IGF2BP2: variants seen among roughly 807,000 people sequenced by gnomAD.
IGF2BP2 encodes the protein insulin-like growth factor 2 mRNA-binding protein 2.
In IGF2BP2, 17 loss-of-function variants were observed where a neutral mutation model predicts 75.8. The observed-to-expected ratio is 0.22, with a 90% CI of 0.15 to 0.34. The LOEUF (loss-of-function observed/expected upper bound fraction) is 0.34. Ranked by LOEUF, IGF2BP2 falls within the 10% of genes least tolerant of loss-of-function variation. The pLI is 1.00. For synonymous variants in IGF2BP2, 288 were observed against 295.6 expected (o/e 0.97, Z 0.26); for missense variants, 516 against 772.4 (o/e 0.67, Z 3.93).
Position 185,677,044 on chromosome 3 carries a change from G to GATGTATATTTATATATAT in IGF2BP2, c.813-1132_813-1131insATATATATAAATATACAT, listed in dbSNP as rs1553855666. On this transcript the variant is annotated intron_variant, in intron 7 of 15. Transcript: ENST00000382199. ...GGAGAGAGATATATATATATATGGAGATATATATATATATATATATATATA... is the reference window on the plus strand; with the variant it reads ...GGAGAGAGATATATATATATATGGAGATGTATATTTATATATATATATATATATATATATATATATATA... Among the ~76,000 whole-genome samples, 4 of 23,860 alleles carry GATGTATATTTATATATAT rather than the reference G, an allele frequency of 1.7e-4. 1 individual carries two copies. Among genetic ancestry groups the GATGTATATTTATATATAT allele is most frequent in the Non-Finnish European group, 6.5e-5 (1 of 15,348 alleles). 15.7% of individuals were successfully genotyped at this position (23,860 alleles called of 152,430 possible).
rs768897785 is a variant in IGF2BP2, at chr3:185,657,291, T to G, written c.1381A>C (p.Ile461Leu). 3.7e-6 allele frequency: 6 copies of G among 1,610,430 alleles called. No individual in the cohort carries two copies. Among genetic ancestry groups the G allele is most frequent in the Non-Finnish European group, 5.1e-6 (6 of 1,177,194 alleles). ...KQLARFAGAS[I>L]KIAPAEGPDV... ...GCCGTCAGGAGCAGCCTCACCTTGA[T>G]AGAGGCTCCGGCGAATCTCGCCAGC... The change falls in exon 12 of 16, where the codon ATC becomes CTC. Residue 461 changes from isoleucine (I) to leucine (L), a missense_variant. Ile to Leu is a conservative substitution (Grantham distance 5). Coordinates refer to ENST00000382199, the MANE Select transcript of IGF2BP2 (RefSeq NM_006548.6).
At chr3:185,819,279 C>A (rs1236558797) in intron 2 of IGF2BP2, among the ~76,000 whole-genome samples, 1 of 151,886 alleles carries the variant, frequency 6.6e-6, no homozygotes, top group Non-Finnish European at 1.5e-5. Flanking sequence ...AGCCATTAAA[C>A]AGTTTTATAA....
chr3:185,803,627 G>T (rs1442133598), intron 2 of IGF2BP2, among the ~76,000 whole-genome samples: 2 of 152,058 alleles, frequency 1.3e-5, no homozygotes, highest in Admixed American at 1.3e-4. Context: ...TCTAGCATAG[G>T]GTGGCACCCA....
intron 2 of IGF2BP2, among the ~76,000 whole-genome samples, chr3:185,727,685 T>A (rs1440795285): frequency 1.3e-5 from 2 of 152,172 alleles, no homozygotes; most frequent in African/African-American, 4.8e-5. Context: ...ATCATGACAC[T>A]GTTTGAATAT....
At chr3:185,805,588 A>G (rs975072707) in intron 2 of IGF2BP2, among the ~76,000 whole-genome samples, 1 of 152,098 alleles carries the variant, frequency 6.6e-6, no homozygotes, top group African/African-American at 2.4e-5. Flanking sequence ...AAAGTTGTTG[A>G]GGAAAACTGA....
At chr3:185,734,684 A>G (rs1257229587) in intron 2 of IGF2BP2, among the ~76,000 whole-genome samples, 3 of 152,212 alleles carry the variant, frequency 2.0e-5, no homozygotes, top group Non-Finnish European at 4.4e-5. Context: ...AAATAATTTT[A>G]ATTTTCCTGC....
At chr3:185,767,906 C>T (rs1733312723) in intron 2 of IGF2BP2, 1 of 153,514 alleles carries the variant, frequency 6.5e-6, no homozygotes, top group Admixed American at 6.5e-5. Flanking sequence ...ATTACTTTCA[C>T]ACCAACCTAA....
chr3:185,690,819 T>C (rs906728503), intron 5 of IGF2BP2, among the ~76,000 whole-genome samples: 7 of 152,372 alleles, frequency 4.6e-5, no homozygotes, highest in African/African-American at 1.2e-4. Context: ...ATAAATGATA[T>C]ACCACTATTA....
chr3:185,757,527 C>T (rs984624512), intron 2 of IGF2BP2, among the ~76,000 whole-genome samples: 7 of 145,582 alleles, frequency 4.8e-5, no homozygotes, highest in African/African-American at 7.7e-5. Context: ...TGCAGTGGCA[C>T]GATCATGGCT....
intron 7 of IGF2BP2, among the ~76,000 whole-genome samples, chr3:185,678,321 C>T (rs1719859670): frequency 6.6e-6 from 1 of 152,162 alleles, no homozygotes; most frequent in Admixed American, 6.5e-5. Flanking sequence ...CTGAAAGAAA[C>T]TGCCAACCAA....
chr3:185,646,288 C>T (rs1713532890), intron 15 of IGF2BP2, among the ~76,000 whole-genome samples: 3 of 152,084 alleles, frequency 2.0e-5, no homozygotes, highest in African/African-American at 4.8e-5. Context: ...GTGTGGGTGG[C>T]GGGGGATCCA....
chr3:185,677,965 T>C (rs1719809668), intron 7 of IGF2BP2, among the ~76,000 whole-genome samples: 1 of 152,092 alleles, frequency 6.6e-6, no homozygotes, highest in Non-Finnish European at 1.5e-5. Flanking sequence ...CTATGAGACA[T>C]GCCAAGTAGA....
At chr3:185,786,848 T>C (rs1354241666) in intron 2 of IGF2BP2, among the ~76,000 whole-genome samples, 1 of 152,152 alleles carries the variant, frequency 6.6e-6, no homozygotes, top group South Asian at 2.1e-4. Context: ...AGAAAACCTG[T>C]TCTGTAAAGG....
At chr3:185,814,283 C>T (rs1740312305) in intron 2 of IGF2BP2, among the ~76,000 whole-genome samples, 1 of 152,098 alleles carries the variant, frequency 6.6e-6, no homozygotes, top group African/African-American at 2.4e-5. Flanking sequence ...ACCTCTGACT[C>T]TCTTAAATAA....
chr3:185,645,163 A>G lies in IGF2BP2; in HGVS notation c.*368T>C, dbSNP rs1468494923. On this transcript the variant is annotated 3_prime_UTR_variant, in exon 16 of 16. Coordinates refer to ENST00000382199, the MANE Select transcript of IGF2BP2 (RefSeq NM_006548.6). The surrounding 1 kb of genome is among the most constrained non-coding windows in gnomAD (Gnocchi z 4.9). Reference sequence around the variant, plus strand: ...ATGTACAGAGACGATTTGCCACAGAAAAAGGGTGTGCATTTTGCTTGGCTT... The same window carrying G: ...ATGTACAGAGACGATTTGCCACAGAGAAAGGGTGTGCATTTTGCTTGGCTT... 3.9e-6 allele frequency: 1 copy of G among 255,128 alleles called. No individual in the cohort carries two copies. Among genetic ancestry groups the G allele is most frequent in the African/African-American group, 2.2e-5 (1 of 46,392 alleles). The allele number at this position is 255,128 out of a possible 1,614,324, so 15.8% of individuals were successfully genotyped here.
At chr3:185,718,474 T>C (rs1725991387) in intron 2 of IGF2BP2, among the ~76,000 whole-genome samples, 3 of 151,492 alleles carry the variant, frequency 2.0e-5, no homozygotes, top group Admixed American at 6.6e-5. Flanking sequence ...GATCACGAGG[T>C]CAGGAGATTG....
At chr3:185,723,922 T>C (rs989097859) in intron 2 of IGF2BP2, among the ~76,000 whole-genome samples, 1 of 152,154 alleles carries the variant, frequency 6.6e-6, no homozygotes, top group Admixed American at 6.5e-5. Context: ...TCGAGCAAAG[T>C]TGGGAGGCAA....
intron 2 of IGF2BP2, among the ~76,000 whole-genome samples, chr3:185,739,458 T>C (rs539736143): frequency 1.5e-4 from 23 of 152,298 alleles, no homozygotes; most frequent in African/African-American, 5.5e-4. Context: ...CCTAAACCCT[T>C]CTGTTATCAA....
intron 13 of IGF2BP2, among the ~76,000 whole-genome samples, chr3:185,650,911 G>A (rs893867681): frequency 7.2e-5 from 11 of 152,176 alleles, no homozygotes; most frequent in African/African-American, 1.2e-4. Context: ...CACTTCACAC[G>A]TGGCCTTTAT....
Sources: gnomAD v4.1 joint callset for allele counts (sites outside exome capture counted in the v4.1 genomes callset) on GRCh38, gnomAD v4.1.1 for gene constraint, Gnocchi (gnomAD v3.1) non-coding constraint, MANE v1.5 for transcripts, NCBI Gene and HGNC (gene_info 2026-07-23, HGNC 2026-07-21) for gene names.